The following STAT5B variants were observed in gnomAD, a reference collection of about 807,000 sequenced individuals.
STAT5B encodes signal transducer and activator of transcription 5B.
Under a neutral mutation model 107.8 loss-of-function variants are expected in STAT5B, and 21 were observed. The ratio of observed to expected loss-of-function variants is 0.19; its 90% confidence interval spans 0.14 to 0.28. The LOEUF is 0.28. STAT5B is among the 10% of genes least tolerant of loss of function. The pLI is 1.00. For synonymous variants in STAT5B, 325 were observed against 401.7 expected, an observed-to-expected ratio of 0.81 and a Z score of 2.28; for missense variants, 565 against 1,008.2, an observed-to-expected ratio of 0.56 and a Z score of 5.95.
At chr17:42,249,029 AACAT>A (rs768812739) in intron 1 of STAT5B, among the ~76,000 whole-genome samples, 6 of 152,234 alleles carry the variant, frequency 3.9e-5, no homozygotes, top group Non-Finnish European at 4.4e-5. Flanking sequence ...GGTGAGATTA[AACAT>A]GAAGAAAAGG....
intron 11 of STAT5B, 87 bp from the exon 12 acceptor site, chr17:42,216,193 CT>C: frequency 1.7e-6 from 2 of 1,185,300 alleles, no homozygotes; most frequent in Non-Finnish European, 2.4e-6. Context: ...TATAACAACA[CT>C]TTTATTTTCC....
In STAT5B at chr17:42,212,242, T is replaced by C. The variant is rs1400465495; in HGVS notation, c.1474-52A>G. 48 of 1,609,864 alleles carry C rather than the reference T, an allele frequency of 3.0e-5. No homozygotes were observed. The Admixed American group carries it at 3.1e-4, about 10-fold the overall frequency. ...ATGAGAAAACAGTTGCATGATTTAT[T>C]CCCTCAAGCCACAAAAGAAAAACGC... On this transcript the variant is annotated intron_variant, in intron 12 of 18. Coordinates refer to ENST00000293328, the MANE Select transcript of STAT5B (RefSeq NM_012448.4).
chr17:42,251,948 G>A (rs1307455142), intron 1 of STAT5B, among the ~76,000 whole-genome samples: 1 of 149,574 alleles, frequency 6.7e-6, no homozygotes, highest in Non-Finnish European at 1.5e-5. Context: ...GCAGTGAGCC[G>A]AGATCGTGCC....
chr17:42,267,188 G>A (rs1050050531), intron 1 of STAT5B, among the ~76,000 whole-genome samples: 5 of 152,106 alleles, frequency 3.3e-5, no homozygotes, highest in African/African-American at 9.7e-5. Flanking sequence ...ATACAATTGC[G>A]TGCAGTACAT....
intron 15 of STAT5B, 81 bp from the exon 16 acceptor site, chr17:42,207,809 T>G (rs2080098511): frequency 6.8e-7 from 1 of 1,476,366 alleles, no homozygotes; most frequent in South Asian, 1.2e-5. Context: ...TACTATAAAT[T>G]CAAGCTTGCC....
upstream of STAT5B, among the ~76,000 whole-genome samples, chr17:42,280,995 G>A (rs1212482613): frequency 1.3e-5 from 2 of 152,040 alleles, no homozygotes; most frequent in African/African-American, 4.8e-5. Flanking sequence ...TTAGCCGGGC[G>A]TGGTGGCGGG....
chr17:42,246,019 C>T (rs116184488), intron 1 of STAT5B, among the ~76,000 whole-genome samples: 173 of 152,146 alleles, frequency 1.1e-3, no homozygotes, highest in African/African-American at 3.7e-3. Flanking sequence ...GTATGCAACA[C>T]GTATGCAAGA....
rs1598310827 is a variant in STAT5B, at chr17:42,227,221, C to A, written c.285+308G>T. Among the ~76,000 whole-genome samples the A allele has an allele frequency of 2.0e-5, 3 of 151,458 alleles. No individual in the cohort carries two copies. In the South Asian group the frequency reaches 6.2e-4, roughly 32 times the overall value. On this transcript the variant is annotated intron_variant, in intron 3 of 18. Transcript: ENST00000293328. ...TGGTGCAGGGACACAAGGTATGCAA[C>A]TTACTCTCCAGTGACTGAAAAACGT...
upstream of STAT5B, among the ~76,000 whole-genome samples, chr17:42,277,967 A>G (rs1394752311): frequency 6.6e-6 from 1 of 152,028 alleles, no homozygotes; most frequent in East Asian, 1.9e-4. Context: ...CATGTTGGCC[A>G]GGCTGGTCTC....
intron 2 of STAT5B, among the ~76,000 whole-genome samples, chr17:42,229,423 T>C (rs2080300462): frequency 6.6e-6 from 1 of 151,646 alleles, no homozygotes; most frequent in Non-Finnish European, 1.5e-5. Context: ...GTGCTGGGAT[T>C]ACAGGCGTGA....
intron 1 of STAT5B, chr17:42,269,598 A>G (rs956756106): frequency 6.6e-5 from 10 of 152,172 alleles, no homozygotes; most frequent in African/African-American, 1.2e-4. Context: ...TTCTGTCAAC[A>G]TTCAAAGAAA....
intron 13 of STAT5B, among the ~76,000 whole-genome samples, chr17:42,211,438 G>A (rs2080128499): frequency 1.3e-5 from 2 of 152,202 alleles, no homozygotes; most frequent in East Asian, 1.9e-4. Flanking sequence ...ACCAGGAGGC[G>A]GCGGTTGCGG....
At chr17:42,272,910 A>G (rs1223842460) in intron 1 of STAT5B, among the ~76,000 whole-genome samples, 2 of 152,222 alleles carry the variant, frequency 1.3e-5, no homozygotes, top group Non-Finnish European at 2.9e-5. Flanking sequence ...TAACACCTGT[A>G]AATTGCTCTT....
chr17:42,218,423 G>A (rs545178421), intron 8 of STAT5B, 93 bp from the exon 9 acceptor site: 279 of 1,545,176 alleles, frequency 1.8e-4, no homozygotes, highest in Non-Finnish European at 2.1e-4. Context: ...GCTGCCTCCC[G>A]AGGGGCTCAG....
At chr17:42,284,472 G>T in the STAT5B span, among the ~76,000 whole-genome samples, 1 of 152,122 alleles carries the variant, frequency 6.6e-6, no homozygotes, top group Non-Finnish European at 1.5e-5. Context: ...TCACCATATT[G>T]GCCAGGCTGA....
At chr17:42,218,968 G>T in intron 7 of STAT5B, 90 bp from the exon 8 acceptor site, 1 of 1,597,260 alleles carries the variant, frequency 6.3e-7, no homozygotes, top group South Asian at 1.1e-5. Flanking sequence ...CCCCCAGGAA[G>T]GCTCTGTGCT....
At chr17:42,256,497 A>T (rs1308960269) in intron 1 of STAT5B, among the ~76,000 whole-genome samples, 1 of 152,234 alleles carries the variant, frequency 6.6e-6, no homozygotes. Context: ...GTCTTTCCTT[A>T]TCTGAGATTT....
rs760428816 is a variant in STAT5B at position 42,256,113 on chromosome 17, TAC to T, written c.-11+20133_-11+20134del. Among the ~76,000 whole-genome samples the T allele has an allele frequency of 8.3e-4, 127 of 152,202 alleles. 1 individual carries two copies. The highest frequency in any genetic ancestry group is 1.3e-3 in the Non-Finnish European group (89 of 68,034). The stretch of plus-strand genomic sequence containing the variant: ...AAAATGGTAAATTTTATGATATATA[TAC>T]GTAACTCCACAATCTTTAAAATGGG... On this transcript the variant is annotated intron_variant, in intron 1 of 18. Transcript: ENST00000293328.
intron 1 of STAT5B, among the ~76,000 whole-genome samples, chr17:42,255,891 C>T (rs554223712): frequency 4.9e-4 from 74 of 152,242 alleles, no homozygotes; most frequent in African/African-American, 1.7e-3. Context: ...AGTTCCAGAC[C>T]ACCCTGGTTA....
Sources: allele counts gnomAD v4.1 joint callset (sites outside exome capture counted in the v4.1 genomes callset), GRCh38; gene constraint gnomAD v4.1.1; transcripts MANE v1.5; gene names NCBI Gene and HGNC (gene_info 2026-07-23, HGNC 2026-07-21).